The following CFAP20DC variants were observed in gnomAD, a reference collection of about 807,000 sequenced individuals.
CFAP20DC encodes protein CFAP20DC.
Under a neutral mutation model 101.7 loss-of-function variants are expected in CFAP20DC, and 84 were observed. The ratio of observed to expected loss-of-function variants is 0.83; its 90% CI spans 0.69 to 0.99. CFAP20DC has a LOEUF of 0.99. CFAP20DC is among the 50% of genes least tolerant of loss of function. The pLI is 0.00. For missense variants in CFAP20DC, 1,007 were observed against 970.3 expected (o/e 1.04, Z -0.50); for synonymous variants, 359 against 351.2 (o/e 1.02, Z -0.25).
intron 13 of CFAP20DC, among the ~76,000 whole-genome samples, chr3:58,841,358 G>A (rs1440118017): frequency 6.6e-6 from 1 of 152,200 alleles, no homozygotes; most frequent in Non-Finnish European, 1.5e-5. Context: ...TGAACAAAGA[G>A]TATTATATAC....
Position 58,863,721 on chromosome 3 carries a change from A to T in CFAP20DC, c.1430T>A (p.Ile477Asn). Residue 477 changes from isoleucine to asparagine, a missense_variant, in exon 12 of 17, where the codon ATT becomes AAT. Coordinates refer to ENST00000482387, the MANE Select transcript of CFAP20DC (RefSeq NM_001394063.1). The surrounding 1 kb of genome is among the most constrained non-coding windows in gnomAD (Gnocchi z 5.9). ...TCGTGGTCTTGATGAAAAAGTGAAAATGTCCTTTGGAACACTCTGGGATTC... is the reference window on the plus strand; with the variant it reads ...TCGTGGTCTTGATGAAAAAGTGAAATTGTCCTTTGGAACACTCTGGGATTC... ...AEESQSVPKD[I>N]FTFSSRPRSA... 6.2e-7 allele frequency: 1 copy of T among 1,614,120 alleles called. No homozygotes were observed. Among genetic ancestry groups the T allele is most frequent in the Non-Finnish European group, 8.5e-7 (1 of 1,180,038 alleles).
At chr3:58,956,757 T>C (rs997036977) in intron 4 of CFAP20DC, among the ~76,000 whole-genome samples, 14 of 152,254 alleles carry the variant, frequency 9.2e-5, no homozygotes, top group African/African-American at 3.4e-4. Flanking sequence ...ACAGTTCAGC[T>C]TGGGTTGGGA....
rs2091413140 is a variant in CFAP20DC, at chr3:58,964,789, G to C, written c.279-27027C>G. Among the ~76,000 whole-genome samples, 1 of 152,088 alleles carries C rather than the reference G, an allele frequency of 6.6e-6. No homozygotes were observed. Among genetic ancestry groups the C allele is most frequent in the South Asian group, 2.1e-4 (1 of 4,820 alleles). On this transcript the variant is annotated intron_variant, in intron 4 of 16. Transcript: ENST00000482387. This position sits in a 1 kb window ranked among gnomAD's most constrained non-coding sequence, Gnocchi z 4.1. ...TTAACATAGCTCCTATTAGATTTTG[G>C]TGATTACATCATTGTATACTGATTT...
intron 5 of CFAP20DC, among the ~76,000 whole-genome samples, chr3:58,916,067 T>TATACA (rs1413400994): frequency 6.6e-6 from 1 of 152,178 alleles, no homozygotes; most frequent in East Asian, 1.9e-4. Context: ...CTGAGCCAAG[T>TATACA]GGCTCTCTAT....
At chr3:58,822,937 G>C (rs2075789205) in intron 14 of CFAP20DC, among the ~76,000 whole-genome samples, 1 of 152,080 alleles carries the variant, frequency 6.6e-6, no homozygotes, top group Non-Finnish European at 1.5e-5. Context: ...CTGAAGAAAG[G>C]AACATCCTTA....
intron 5 of CFAP20DC, among the ~76,000 whole-genome samples, chr3:58,917,347 T>A (rs527268330): frequency 1.3e-5 from 2 of 152,240 alleles, no homozygotes; most frequent in South Asian, 4.1e-4. Flanking sequence ...TGGGAGCATA[T>A]TTTTGATTCC....
intron 16 of CFAP20DC, among the ~76,000 whole-genome samples, chr3:58,750,446 G>A (rs1054400865): frequency 6.6e-6 from 1 of 152,146 alleles, no homozygotes; most frequent in Non-Finnish European, 1.5e-5. Flanking sequence ...GAGAATTCAA[G>A]TGCACATGTA....
chr3:58,935,117 T>G (rs1460353776), intron 5 of CFAP20DC, among the ~76,000 whole-genome samples: 1 of 152,186 alleles, frequency 6.6e-6, no homozygotes, highest in African/African-American at 2.4e-5. Flanking sequence ...CAAGCATTCT[T>G]ATATACCAAT....
At chr3:58,843,554 A>C (rs1434293523) in intron 13 of CFAP20DC, among the ~76,000 whole-genome samples, 2 of 151,834 alleles carry the variant, frequency 1.3e-5, no homozygotes, top group East Asian at 3.9e-4. Flanking sequence ...ACCTGAAAGT[A>C]ATGGGGAGAA....
chr3:59,021,552 C>T (rs576053569), intron 4 of CFAP20DC, among the ~76,000 whole-genome samples: 2 of 152,096 alleles, frequency 1.3e-5, no homozygotes, highest in Non-Finnish European at 2.9e-5. Context: ...AAAATTGAAA[C>T]CAGCTTTAGA....
rs767523384 is a variant in CFAP20DC at position 58,869,284 on chromosome 3, C to A, written c.1015+44G>T. 6.7e-7 allele frequency: 1 copy of A among 1,482,152 alleles called. No individual in the cohort carries two copies. The highest frequency in any genetic ancestry group is 1.9e-5 in the Admixed American group (1 of 53,864). 91.8% of individuals were successfully genotyped at this position (1,482,152 alleles called of 1,614,324 possible). A position where few individuals can be genotyped will look rare whatever the true frequency, so the allele number is the denominator to read the frequency against. ...TTTATCTTAACAAGAACATTTCTCA[C>A]TATTTTCACTAGCTATCAATCTTTA... is the stretch of plus-strand genomic sequence containing the variant. On this transcript the variant is annotated intron_variant, in intron 9 of 16. Coordinates refer to ENST00000482387, the MANE Select transcript of CFAP20DC (RefSeq NM_001394063.1). The surrounding 1 kb of genome is among the most constrained non-coding windows in gnomAD (Gnocchi z 4.3).
Position 58,745,361 on chromosome 3 carries a change from A to ACACAT in CFAP20DC, c.2333-2794_2333-2790dup, listed in dbSNP as rs545838701. ...TAGTCTAGTTGTGAATGTGACACAA[A>ACACAT]CACATGAAGCAAAAGCAGCTACTAA... On this transcript the variant is annotated intron_variant, in intron 16 of 16. Coordinates refer to ENST00000482387, the MANE Select transcript of CFAP20DC (RefSeq NM_001394063.1). Among the ~76,000 whole-genome samples, 688 of 152,316 alleles carry ACACAT rather than the reference A, an allele frequency of 4.5e-3. 5 individuals carry two copies. The highest frequency in any genetic ancestry group is 0.016 in the African/African-American group (650 of 41,564).
chr3:58,887,254 C>T (rs2081722694), intron 6 of CFAP20DC: 1 of 152,172 alleles, frequency 6.6e-6, no homozygotes, highest in African/African-American at 2.4e-5. Flanking sequence ...CAAATGAACT[C>T]TCAAAATAGT....
At chr3:58,948,376 A>AT (rs898680467) in intron 4 of CFAP20DC, among the ~76,000 whole-genome samples, 1 of 152,132 alleles carries the variant, frequency 6.6e-6, no homozygotes, top group Admixed American at 6.5e-5. Flanking sequence ...TTTTAATCAC[A>AT]TTTTTTATTG....
chr3:58,806,670 C>T (rs535101673), intron 14 of CFAP20DC, among the ~76,000 whole-genome samples: 101 of 152,302 alleles, frequency 6.6e-4, no homozygotes, highest in African/African-American at 2.3e-3. Flanking sequence ...TGCATTTCCA[C>T]CTGAGGTACC....
intron 14 of CFAP20DC, among the ~76,000 whole-genome samples, chr3:58,811,471 A>T (rs547455660): frequency 1.3e-5 from 2 of 152,294 alleles, no homozygotes; most frequent in South Asian, 4.2e-4. Context: ...TCCCTATTTA[A>T]TAAATGGTGC....
At position 58,913,049 on chromosome 3, in the gene CFAP20DC, C is replaced by T. The variant is rs1318912832; in HGVS notation, c.550+659G>A. On this transcript the variant is annotated intron_variant, in intron 6 of 16. Transcript: ENST00000482387. The surrounding 1 kb of genome is among the most constrained non-coding windows in gnomAD (Gnocchi z 4.4). ...TGCCTGCCTTCCTTGCAGCATGCAACCTAGACTCCACAGGACAGAAACAGC... is the reference window on the plus strand; with the variant it reads ...TGCCTGCCTTCCTTGCAGCATGCAATCTAGACTCCACAGGACAGAAACAGC... 6.6e-6 allele frequency among the ~76,000 whole-genome samples: 1 copy of T among 152,074 alleles called. No homozygotes were observed. The highest frequency in any genetic ancestry group is 1.5e-5 in the Non-Finnish European group (1 of 68,006).
chr3:58,929,927 A>G (rs1190665151), intron 5 of CFAP20DC, among the ~76,000 whole-genome samples: 1 of 152,088 alleles, frequency 6.6e-6, no homozygotes, highest in Non-Finnish European at 1.5e-5. Flanking sequence ...GGTTCTCTTC[A>G]GCAACACTAG....
At position 58,861,256 on chromosome 3, in the gene CFAP20DC, C is replaced by A; in HGVS notation, c.1593+2302G>T. 3.4e-6 allele frequency: 2 copies of A among 581,292 alleles called. No individual in the cohort carries two copies. 36.0% of individuals were successfully genotyped at this position (581,292 alleles called of 1,614,324 possible). Reference sequence around the variant, plus strand: ...CATCAAATAAAGTCTTTTAATTACACTTTATAAACTTCAAGCATAATAATA... The same window carrying A: ...CATCAAATAAAGTCTTTTAATTACAATTTATAAACTTCAAGCATAATAATA... On this transcript the variant is annotated intron_variant, in intron 12 of 16. Transcript: ENST00000482387. The surrounding 1 kb of genome is among the most constrained non-coding windows in gnomAD (Gnocchi z 4.0).
Sources: allele counts gnomAD v4.1 joint callset (sites outside exome capture counted in the v4.1 genomes callset), GRCh38; gene constraint gnomAD v4.1.1; non-coding constraint Gnocchi (gnomAD v3.1); transcripts MANE v1.5; gene names NCBI Gene and HGNC (gene_info 2026-07-23, HGNC 2026-07-21).